WDR3: variants seen among roughly 807,000 people sequenced by gnomAD.
WDR3 encodes the protein WD repeat domain 3.
A neutral mutation model predicts 123.7 loss-of-function variants in WDR3; 81 were observed. That is an observed-to-expected ratio of 0.65 (90% confidence interval 0.55 to 0.79). The LOEUF (loss-of-function observed/expected upper bound fraction) is 0.79, where lower values mean the gene tolerates loss of function less well. Ranked by LOEUF, WDR3 falls within the 30% of genes least tolerant of loss-of-function variation. The pLI is 0.00. For missense variants in WDR3, 1,027 were observed against 1,123.2 expected (o/e 0.91, Z 1.22); for synonymous variants, 390 against 388.8 (o/e 1.00, Z -0.04).
intron 1 of WDR3, among the ~76,000 whole-genome samples, chr1:117,933,070 G>A (rs1233038871): frequency 6.6e-6 from 1 of 151,806 alleles, no homozygotes; most frequent in African/African-American, 2.4e-5. Flanking sequence ...CGGGTATGGT[G>A]GCACATGCCT....
chr1:117,946,811 G>A (rs1385849440), intron 12 of WDR3, among the ~76,000 whole-genome samples: 3 of 151,590 alleles, frequency 2.0e-5, no homozygotes. Context: ...TGTGGTGGCG[G>A]GCGCCTGTAG....
At chr1:117,950,359 A>G (rs750733520) in intron 15 of WDR3, among the ~76,000 whole-genome samples, 47 of 152,316 alleles carry the variant, frequency 3.1e-4, no homozygotes, top group Middle Eastern at 3.4e-3. Context: ...TGTTCAAAAA[A>G]TCTTGTGGAC....
At chr1:117,946,919 T>C (rs140233807) in intron 12 of WDR3, among the ~76,000 whole-genome samples, 3,358 of 127,312 alleles carry the variant, frequency 0.026, 127 homozygotes, top group African/African-American at 0.092. Context: ...CCAGCCTGGG[T>C]GACAGAGCAA....
intron 14 of WDR3, 25 bp downstream of exon 14, chr1:117,949,861 T>C (rs1651541474): frequency 1.2e-6 from 2 of 1,612,558 alleles, no homozygotes; most frequent in Admixed American, 1.7e-5. Context: ...TTTGTGTCCA[T>C]TTTTTGGAGT....
intron 25 of WDR3, among the ~76,000 whole-genome samples, chr1:117,957,508 G>A (rs971165254): frequency 1.3e-5 from 2 of 152,182 alleles, no homozygotes; most frequent in Non-Finnish European, 2.9e-5. Context: ...ACAATCTTAA[G>A]ATAGCTCTGG....
At chr1:117,958,847 C>T in intron 25 of WDR3, 63 bp from the exon 26 acceptor site, 9 of 1,092,242 alleles carry the variant, frequency 8.2e-6, no homozygotes, top group South Asian at 6.0e-5. Context: ...TTTACTGTTT[C>T]TAGAAGGGTT....
intron 1 of WDR3, among the ~76,000 whole-genome samples, chr1:117,932,799 C>T (rs969856017): frequency 6.6e-6 from 1 of 152,034 alleles, no homozygotes; most frequent in Admixed American, 6.6e-5. Flanking sequence ...ATTGAGTCAA[C>T]ACTGAATAAA....
chr1:117,956,599 G>A (rs1652233951), intron 24 of WDR3, among the ~76,000 whole-genome samples: 1 of 152,134 alleles, frequency 6.6e-6, no homozygotes, highest in Non-Finnish European at 1.5e-5. Flanking sequence ...TTTTAAATTG[G>A]AATTGATGAA....
At chr1:117,937,283 G>C (rs1183509062) in intron 4 of WDR3, among the ~76,000 whole-genome samples, 6 of 152,054 alleles carry the variant, frequency 3.9e-5, no homozygotes, top group Non-Finnish European at 8.8e-5. Context: ...GTACTTCATA[G>C]GCCTTCTGAA....
intron 12 of WDR3, among the ~76,000 whole-genome samples, chr1:117,946,940 CAAAA>C (rs55743091): frequency 1.3e-5 from 1 of 77,382 alleles, no homozygotes; most frequent in African/African-American, 5.4e-5. Flanking sequence ...GACTCCATCT[CAAAA>C]AAAAAAAAAA....
At position 117,961,323 on chromosome 1, in the gene WDR3, A is replaced by C. The variant is rs1653070276; in HGVS notation, c.*1876A>C. ...TAAAAAAAAATCTGTATAACAGTGGAGCCAAGTGGTTAAAACCCATGTTCA... is the reference window on the plus strand; with the variant it reads ...TAAAAAAAAATCTGTATAACAGTGGCGCCAAGTGGTTAAAACCCATGTTCA... On this transcript the variant is annotated 3_prime_UTR_variant, in exon 27 of 27. Transcript: ENST00000349139. The C allele has an allele frequency of 6.6e-6, 1 of 152,116 alleles. No individual in the cohort carries two copies. Among genetic ancestry groups the C allele is most frequent in the Admixed American group, 6.5e-5 (1 of 15,270 alleles). The allele number at this position is 152,116 out of a possible 1,614,324, so 9.4% of individuals were successfully genotyped here. A position where few individuals can be genotyped will look rare whatever the true frequency, so the allele number is the denominator to read the frequency against.
At chr1:117,943,031 C>T (rs1651233302) in intron 10 of WDR3, among the ~76,000 whole-genome samples, 1 of 151,826 alleles carries the variant, frequency 6.6e-6, no homozygotes, top group Admixed American at 6.6e-5. Flanking sequence ...CGGCTCAGTG[C>T]AACCTCCATC....
At chr1:117,942,607 T>C (rs1206360846) in intron 10 of WDR3, 63 bp downstream of exon 10, 1 of 1,433,150 alleles carries the variant, frequency 7.0e-7, no homozygotes, top group African/African-American at 1.4e-5. Context: ...TATTGGCTTT[T>C]TCATGCTATT....
chr1:117,961,670 T>A lies in WDR3; in HGVS notation c.*2223T>A, dbSNP rs908660452. On this transcript the variant is annotated 3_prime_UTR_variant, in exon 27 of 27. Transcript: ENST00000349139. ...GCAGTCCTTGTGGCTTGCCGATTTG[T>A]GTCCCAAACCACAAGTCTTAATGTT... is the stretch of plus-strand genomic sequence containing the variant. The A allele has an allele frequency of 9.2e-5, 14 of 152,212 alleles. No individual in the cohort carries two copies. Among genetic ancestry groups the A allele is most frequent in the Non-Finnish European group, 1.2e-4 (8 of 68,032 alleles). The allele number at this position is 152,212 out of a possible 1,614,324, so 9.4% of individuals were successfully genotyped here.
At chr1:117,935,973 G>T (rs946926169) in intron 3 of WDR3, among the ~76,000 whole-genome samples, 1 of 151,838 alleles carries the variant, frequency 6.6e-6, no homozygotes, top group Non-Finnish European at 1.5e-5. Context: ...GTCATGAATT[G>T]GCAATTCAAA....
At position 117,933,282 on chromosome 1, in the gene WDR3, G is replaced by A. The variant is rs376282405; in HGVS notation, c.-32-6G>A. ...GGAGCTGAGTTTTCTTTGTTTATAT[G>A]CACAGATTGCTTCACCTGTGGTATC... On this transcript the variant is annotated splice_region_variant and splice_polypyrimidine_tract_variant and intron_variant, in intron 1 of 26. Coordinates refer to ENST00000349139, the MANE Select transcript of WDR3 (RefSeq NM_006784.3). 44 of 1,609,820 alleles carry A rather than the reference G, an allele frequency of 2.7e-5. 1 individual carries two copies. In the Admixed American group the frequency reaches 7.2e-4, roughly 26 times the overall value.
rs1653637274 is a variant in WDR3, at chr1:117,965,003, C to G, written c.*5556C>G. 4 of 152,200 alleles carry G rather than the reference C, an allele frequency of 2.6e-5. No individual in the cohort carries two copies. The South Asian group carries it at 8.3e-4, about 31-fold the overall frequency. 9.4% of individuals were successfully genotyped at this position (152,200 alleles called of 1,614,324 possible). A position where few individuals can be genotyped will look rare whatever the true frequency, so the allele number is the denominator to read the frequency against. Reference sequence around the variant, plus strand: ...TGCTCCACTCTCTTCAGCCTACAAACATGTAGGTCTACATTAAACTGAAAA... The same window carrying G: ...TGCTCCACTCTCTTCAGCCTACAAAGATGTAGGTCTACATTAAACTGAAAA... On this transcript the variant is annotated 3_prime_UTR_variant, in exon 27 of 27. Transcript: ENST00000349139.
chr1:117,965,960 C>A lies in WDR3; in HGVS notation c.*6513C>A, dbSNP rs947529210. The A allele has an allele frequency of 6.6e-6, 1 of 152,096 alleles. No individual in the cohort carries two copies. Among genetic ancestry groups the A allele is most frequent in the Non-Finnish European group, 1.5e-5 (1 of 68,020 alleles). The allele number at this position is 152,096 out of a possible 1,614,324, so 9.4% of individuals were successfully genotyped here. A position where few individuals can be genotyped will look rare whatever the true frequency, so the allele number is the denominator to read the frequency against. On this transcript the variant is annotated 3_prime_UTR_variant, in exon 27 of 27. Transcript: ENST00000349139. ...GTTCATTATTTTTACTTAAAGTTCCCGTCAATCAAGTTTTCACATTCTATA... is the reference window on the plus strand; with the variant it reads ...GTTCATTATTTTTACTTAAAGTTCCAGTCAATCAAGTTTTCACATTCTATA...
chr1:117,951,743 C>T (rs1265316704), intron 16 of WDR3, among the ~76,000 whole-genome samples: 1 of 152,064 alleles, frequency 6.6e-6, no homozygotes, highest in Non-Finnish European at 1.5e-5. Context: ...CAGCACTGCC[C>T]TGTGACAGTA....
Sources: gnomAD v4.1 joint callset for allele counts (sites outside exome capture counted in the v4.1 genomes callset) on GRCh38, gnomAD v4.1.1 for gene constraint, MANE v1.5 for transcripts, NCBI Gene and HGNC (gene_info 2026-07-23, HGNC 2026-07-21) for gene names.